The following SF3B3 variants were observed in gnomAD, a reference collection of about 807,000 sequenced individuals.
The protein encoded by SF3B3 is SAP 130.
A neutral mutation model predicts 139.2 loss-of-function variants in SF3B3; 33 were observed. The ratio of observed to expected loss-of-function variants is 0.24; its 90% CI spans 0.18 to 0.32. SF3B3 has a LOEUF of 0.32. Among genes scored for constraint, SF3B3 ranks in the 10% least tolerant of loss-of-function variants. The pLI is 1.00. For missense variants in SF3B3, 818 were observed against 1,509.4 expected (o/e 0.54, Z 7.59); for synonymous variants, 596 against 563.6 (o/e 1.06, Z -0.81).
chr16:70,543,935 C>T (rs2050244820), intron 9 of SF3B3, among the ~76,000 whole-genome samples: 2 of 151,934 alleles, frequency 1.3e-5, no homozygotes, highest in African/African-American at 2.4e-5. Context: ...CTCACTGTAG[C>T]CTCAGCCTCC....
intron 25 of SF3B3, 87 bp from the exon 26 acceptor site, chr16:70,571,586 G>C (rs2050529978): frequency 7.0e-7 from 1 of 1,422,788 alleles, no homozygotes. Context: ...AATAAAAACA[G>C]CTTTCCCTAC....
rs1421255682 is a variant in SF3B3 at position 70,530,976 on chromosome 16, AT to A, written c.570+61del. On this transcript the variant is annotated intron_variant, in intron 4 of 25. Coordinates refer to ENST00000302516, the MANE Select transcript of SF3B3 (RefSeq NM_012426.5). ...AGTCACCTCAGTGTTTTTTTTTAAG[AT>A]TGTTTTCCGGCCGGGCGTGGTGGCT... 5 of 1,506,180 alleles carry A rather than the reference AT, an allele frequency of 3.3e-6. No individual in the cohort carries two copies. In the African/African-American group the frequency reaches 7.0e-5, roughly 21 times the overall value. The allele number at this position is 1,506,180 out of a possible 1,614,324, so 93.3% of individuals were successfully genotyped here.
Position 70,526,709 on chromosome 16 carries a change from T to C in SF3B3, c.53T>C (p.Ile18Thr). 6.2e-7 allele frequency: 1 copy of C among 1,613,808 alleles called. No individual in the cohort carries two copies. Among genetic ancestry groups the C allele is most frequent in the Non-Finnish European group, 8.5e-7 (1 of 1,179,668 alleles). ...AGAGCCACTGGCATCAGCTTTGCCA[T>C]TCATGGAAACTTTTCTGGTAAGTTC... ...LQRATGISFA[I>T]HGNFSGTKQQ... Residue 18 changes from isoleucine to threonine, a missense_variant, in exon 2 of 26, where the codon ATT (isoleucine) becomes ACT (threonine). Physicochemically the swap from Ile to Thr is moderately conservative, Grantham distance 89. Coordinates refer to ENST00000302516, the MANE Select transcript of SF3B3 (RefSeq NM_012426.5).
At chr16:70,558,683 G>GCCT (rs1203243816) in intron 15 of SF3B3, among the ~76,000 whole-genome samples, 3 of 152,126 alleles carry the variant, frequency 2.0e-5, no homozygotes, top group Non-Finnish European at 4.4e-5. Flanking sequence ...TGCAGCCTCT[G>GCCT]CCTCCTGGGT....
At chr16:70,528,345 A>G (rs1344985314) in intron 2 of SF3B3, among the ~76,000 whole-genome samples, 1 of 148,276 alleles carries the variant, frequency 6.7e-6, no homozygotes, top group Non-Finnish European at 1.5e-5. Flanking sequence ...TTGTATTTTT[A>G]GTAGAGATGG....
rs2050572158 is a variant in SF3B3 at position 70,575,519 on chromosome 16, G to T, written c.*3706G>T. The T allele has an allele frequency of 6.6e-6, 1 of 152,330 alleles. No individual in the cohort carries two copies. The highest frequency in any genetic ancestry group is 2.4e-5 in the African/African-American group (1 of 41,434). The allele number at this position is 152,330 out of a possible 1,614,324, so 9.4% of individuals were successfully genotyped here. A position where few individuals can be genotyped will look rare whatever the true frequency, so the allele number is the denominator to read the frequency against. On this transcript the variant is annotated 3_prime_UTR_variant, in exon 26 of 26. Transcript: ENST00000302516. Reference sequence around the variant, plus strand: ...TGGCCAGGAGCTGTTTAAGCCATCAGGAGACATGCTGACCCACTAGAAGAG... The same window carrying T: ...TGGCCAGGAGCTGTTTAAGCCATCATGAGACATGCTGACCCACTAGAAGAG...
In SF3B3 at chr16:70,539,114, T is replaced by C; in HGVS notation, c.974T>C (p.Ile325Thr). The change falls in exon 8 of 26, where the codon ATC (isoleucine) becomes ACC (threonine). Residue 325 changes from isoleucine to threonine, a missense_variant. By Grantham distance (89) the Ile-to-Thr change is moderately conservative. Around this residue, in one of 14 missense-constraint regions of SF3B3, gnomAD observed 80 missense variants for 206.5 expected, o/e 0.39. Coordinates refer to ENST00000302516, the MANE Select transcript of SF3B3 (RefSeq NM_012426.5). ...LETDEDMVTE[I>T]RLKYFDTVPV... is the part of the protein sequence containing the mutation. ...TTCTTTTCTCACCAGGTTACTGAGA[T>C]CCGGCTCAAATATTTTGATACTGTA... 1 of 1,613,560 alleles carries C rather than the reference T, an allele frequency of 6.2e-7. No individual in the cohort carries two copies. Among genetic ancestry groups the C allele is most frequent in the Non-Finnish European group, 8.5e-7 (1 of 1,179,402 alleles).
chr16:70,554,355 G>C lies in SF3B3; in HGVS notation c.1403-91G>C, dbSNP rs758293716. 9.9e-5 allele frequency: 123 copies of C among 1,247,790 alleles called. 1 individual carries two copies. The highest frequency in any genetic ancestry group is 1.2e-4 in the Non-Finnish European group (107 of 869,842). 77.3% of individuals were successfully genotyped at this position (1,247,790 alleles called of 1,614,324 possible). Reference sequence around the variant, plus strand: ...AACTACACATAGAAGAACTGCCTTGGAAGGTTTCTGAAGAGAACTCTTAGT... The same window carrying C: ...AACTACACATAGAAGAACTGCCTTGCAAGGTTTCTGAAGAGAACTCTTAGT... On this transcript the variant is annotated intron_variant, in intron 11 of 25. Coordinates refer to ENST00000302516, the MANE Select transcript of SF3B3 (RefSeq NM_012426.5).
chr16:70,566,137 T>G (rs920383275), intron 20 of SF3B3, among the ~76,000 whole-genome samples: 6 of 151,598 alleles, frequency 4.0e-5, no homozygotes, highest in Admixed American at 3.9e-4. Context: ...AGATTTAATA[T>G]TCTTTTCCAC....
At chr16:70,538,086 T>G (rs1206331138) in intron 6 of SF3B3, 1 of 679,496 alleles carries the variant, frequency 1.5e-6, no homozygotes. Flanking sequence ...GCCTTATGAA[T>G]CTGATCAGGC....
intron 22 of SF3B3, 138 bp downstream of exon 22, chr16:70,568,633 CA>C (rs1198042376): frequency 3.0e-6 from 2 of 675,760 alleles, no homozygotes; most frequent in Non-Finnish European, 5.0e-6. Flanking sequence ...GCTAACTCTA[CA>C]AGCAATCTGT....
rs1005337245 is a variant in SF3B3 at position 70,562,641 on chromosome 16, CTTG to C, written c.2288+862_2288+864del. 2.4e-4 allele frequency among the ~76,000 whole-genome samples: 37 copies of C among 152,228 alleles called. 1 individual carries two copies. Among genetic ancestry groups the C allele is most frequent in the African/African-American group, 7.7e-4 (32 of 41,520 alleles). ...TGTTCCCCTTGTCTTTTAAGCCAGC[CTTG>C]TTGTAGCCTCATCTGTGGCCCCTAC... On this transcript the variant is annotated intron_variant, in intron 17 of 25. Coordinates refer to ENST00000302516, the MANE Select transcript of SF3B3 (RefSeq NM_012426.5).
At chr16:70,550,873 C>T (rs1403394819) in intron 11 of SF3B3, among the ~76,000 whole-genome samples, 1 of 152,218 alleles carries the variant, frequency 6.6e-6, no homozygotes, top group African/African-American at 2.4e-5. Context: ...TGCCTCTCTA[C>T]TTCCTCCCAC....
intron 17 of SF3B3, 97 bp downstream of exon 17, chr16:70,561,881 G>A (rs1338783132): frequency 9.8e-7 from 1 of 1,021,668 alleles, no homozygotes; most frequent in Non-Finnish European, 1.5e-6. Flanking sequence ...TGAAGAGGTG[G>A]CAGAGAGCCG....
chr16:70,528,162 C>CTTTT (rs760087242), intron 2 of SF3B3, among the ~76,000 whole-genome samples: 29 of 122,336 alleles, frequency 2.4e-4, no homozygotes, highest in Non-Finnish European at 4.0e-4. Flanking sequence ...GAGAAGTTTT[C>CTTTT]TTTTTTTTTT....
At chr16:70,524,225 C>T (rs770082297) in intron 1 of SF3B3, among the ~76,000 whole-genome samples, 1 of 152,062 alleles carries the variant, frequency 6.6e-6, no homozygotes. Context: ...GCATGGATGT[C>T]TCCCTCTGGG....
At chr16:70,552,947 G>C (rs1001809555) in intron 11 of SF3B3, among the ~76,000 whole-genome samples, 6 of 152,174 alleles carry the variant, frequency 3.9e-5, no homozygotes, top group African/African-American at 1.4e-4. Flanking sequence ...GTCTCATTCT[G>C]TCACCCAGAT....
intron 10 of SF3B3, among the ~76,000 whole-genome samples, chr16:70,546,369 C>T (rs561465949): frequency 1.3e-5 from 2 of 152,288 alleles, no homozygotes; most frequent in African/African-American, 2.4e-5. Flanking sequence ...TGCATATGTG[C>T]GGCTGGGCAC....
At chr16:70,538,282 A>G (rs2050187407) in intron 6 of SF3B3, 41 bp from the exon 7 acceptor site, 1 of 1,582,694 alleles carries the variant, frequency 6.3e-7, no homozygotes, top group Non-Finnish European at 8.7e-7. Context: ...ACTAAGAAGT[A>G]CCCATTTCTA....
Sources: allele counts gnomAD v4.1 joint callset (sites outside exome capture counted in the v4.1 genomes callset), GRCh38; gene constraint gnomAD v4.1.1; regional missense constraint gnomAD v4.1.1; transcripts MANE v1.5; gene names NCBI Gene and HGNC (gene_info 2026-07-23, HGNC 2026-07-21).